PHLPP1: variants seen among roughly 807,000 people sequenced by gnomAD.
PHLPP1 encodes PH domain and leucine rich repeat protein phosphatase 1, also known as PH domain leucine-rich repeat-containing protein phosphatase 1.
PHLPP1 carries 42 observed loss-of-function variants against 117.2 expected under a neutral mutation model. That is an observed-to-expected ratio of 0.36 (90% CI 0.28 to 0.46). The LOEUF (loss-of-function observed/expected upper bound fraction) is 0.46. PHLPP1 is among the 20% of genes least tolerant of loss of function. PHLPP1 has a pLI of 1.00. For missense variants in PHLPP1, 2,084 were observed against 2,241.9 expected (o/e 0.93, Z 1.42); for synonymous variants, 1,042 against 970.7 (o/e 1.07, Z -1.37).
intron 4 of PHLPP1, among the ~76,000 whole-genome samples, chr18:62,861,045 T>A (rs541880996): frequency 6.6e-6 from 1 of 152,342 alleles, no homozygotes; most frequent in South Asian, 2.1e-4. Context: ...TCAACTTACA[T>A]CATGTCATCT....
chr18:62,933,536 T>C (rs1568166101), intron 10 of PHLPP1, among the ~76,000 whole-genome samples: 1 of 152,110 alleles, frequency 6.6e-6, no homozygotes, highest in Non-Finnish European at 1.5e-5. Context: ...ATTCAGTAAA[T>C]AGTGCTGGGA....
intron 9 of PHLPP1, among the ~76,000 whole-genome samples, chr18:62,915,714 C>A (rs1909248920): frequency 6.6e-6 from 1 of 152,186 alleles, no homozygotes; most frequent in Non-Finnish European, 1.5e-5. Flanking sequence ...CTATCCAGTG[C>A]TGTCCTGTAG....
rs11389810 is a variant in PHLPP1, at chr18:62,811,544, CT to C, written c.1577-18477del. On this transcript the variant is annotated intron_variant, in intron 1 of 16. Coordinates refer to ENST00000262719, the MANE Select transcript of PHLPP1 (RefSeq NM_194449.4). ...TAGGATTATGGTTATGTTGTTGTGT[CT>C]TTTTTTTTTTTTTAACTTCCTTTTC... 5.7e-3 allele frequency among the ~76,000 whole-genome samples: 793 copies of C among 138,014 alleles called. 2 individuals are homozygous for C. Among genetic ancestry groups the C allele is most frequent in the East Asian group, 0.014 (65 of 4,616 alleles). The allele number at this position is 138,014 out of a possible 152,430, so 90.5% of individuals were successfully genotyped here.
chr18:62,827,984 A>G lies in PHLPP1; in HGVS notation c.1577-2051A>G, dbSNP rs555733151. On this transcript the variant is annotated intron_variant, in intron 1 of 16. Transcript: ENST00000262719. ...CTTGAAGCCACTCTCTGATGGACTG[A>G]ATAAAATGCCTACTTCTTTGCATTT... Among the ~76,000 whole-genome samples, 5 of 151,152 alleles carry G rather than the reference A, an allele frequency of 3.3e-5. 1 individual carries two copies. In the South Asian group the frequency reaches 1.1e-3, roughly 32 times the overall value.
At chr18:62,778,370 G>T (rs1176873557) in intron 1 of PHLPP1, among the ~76,000 whole-genome samples, 1 of 152,066 alleles carries the variant, frequency 6.6e-6, no homozygotes, top group Non-Finnish European at 1.5e-5. Flanking sequence ...TACTTAGAGG[G>T]GCTAACTTAA....
intron 1 of PHLPP1, among the ~76,000 whole-genome samples, chr18:62,784,647 T>C (rs959803193): frequency 6.6e-6 from 1 of 152,254 alleles, no homozygotes; most frequent in Non-Finnish European, 1.5e-5. Flanking sequence ...TTTGCAGATA[T>C]ATAACCTGCT....
At chr18:62,777,066 G>C (rs1912981644) in intron 1 of PHLPP1, among the ~76,000 whole-genome samples, 1 of 152,166 alleles carries the variant, frequency 6.6e-6, no homozygotes, top group African/African-American at 2.4e-5. Context: ...CATTTTTGGG[G>C]GGTAAATATT....
chr18:62,775,014 A>G (rs571032724), intron 1 of PHLPP1, among the ~76,000 whole-genome samples: 3 of 152,282 alleles, frequency 2.0e-5, no homozygotes, highest in African/African-American at 7.2e-5. Flanking sequence ...ATTTCAGTCC[A>G]CCTTCCAACC....
At chr18:62,782,901 C>A (rs1284278112) in intron 1 of PHLPP1, among the ~76,000 whole-genome samples, 1 of 151,996 alleles carries the variant, frequency 6.6e-6, no homozygotes, top group Non-Finnish European at 1.5e-5. Flanking sequence ...TTCCAGTGGT[C>A]TGTTTTTTGA....
intron 1 of PHLPP1, among the ~76,000 whole-genome samples, chr18:62,828,276 G>A (rs546810432): frequency 1.3e-5 from 2 of 152,276 alleles, no homozygotes; most frequent in East Asian, 3.9e-4. Flanking sequence ...ATGAACTTGT[G>A]CAGAATGGGA....
At chr18:62,846,355 G>A (rs1443586147) in intron 3 of PHLPP1, among the ~76,000 whole-genome samples, 1 of 152,022 alleles carries the variant, frequency 6.6e-6, no homozygotes, top group African/African-American at 2.4e-5. Context: ...GTATGAGTTA[G>A]TATATGAGAT....
intron 10 of PHLPP1, among the ~76,000 whole-genome samples, chr18:62,932,899 A>C (rs1909858952): frequency 6.6e-6 from 1 of 152,244 alleles, no homozygotes; most frequent in African/African-American, 2.4e-5. Context: ...AGACTTGATA[A>C]ACAACTTCAG....
chr18:62,878,006 G>A (rs1916090671), intron 4 of PHLPP1, among the ~76,000 whole-genome samples: 1 of 152,172 alleles, frequency 6.6e-6, no homozygotes, highest in Non-Finnish European at 1.5e-5. Context: ...GAGAGAGGCT[G>A]GTATCTTCAA....
chr18:62,838,959 A>G (rs1275568321), intron 3 of PHLPP1, 50 bp downstream of exon 3: 2 of 1,603,802 alleles, frequency 1.2e-6, no homozygotes, highest in Admixed American at 3.3e-5. Context: ...GCTGGCTACA[A>G]AGTTCCTTTC....
chr18:62,923,661 T>A, intron 10 of PHLPP1, among the ~76,000 whole-genome samples: 1 of 152,092 alleles, frequency 6.6e-6, no homozygotes, highest in Non-Finnish European at 1.5e-5. Context: ...ACCTCAATAA[T>A]GGAAATTTTT....
At position 62,717,244 on chromosome 18, in the gene PHLPP1, A is replaced by T. The variant is rs1599010378; in HGVS notation, c.1561A>T (p.Ile521Phe). 2.5e-6 allele frequency: 4 copies of T among 1,592,604 alleles called. No individual in the cohort carries two copies. Among genetic ancestry groups the T allele is most frequent in the Non-Finnish European group, 3.4e-6 (4 of 1,167,098 alleles). ...EGMDSEIGCLIRFYAGKPHST... is the reference protein window; with the variant it reads ...EGMDSEIGCLFRFYAGKPHST... The stretch of plus-strand genomic sequence containing the variant: ...CATGGACTCGGAGATTGGCTGCCTC[A>T]TCCGCTTCTATGCAGGTAAGGAAGT... Residue 521 changes from isoleucine to phenylalanine, a missense_variant, in exon 1 of 17, where the codon ATC (isoleucine) becomes TTC (phenylalanine). Physicochemically the swap from Ile to Phe is conservative, Grantham distance 21. Around this residue, in one of 2 missense-constraint regions of PHLPP1, gnomAD observed 1,365 missense variants for 1,605.9 expected, o/e 0.85. Coordinates refer to ENST00000262719, the MANE Select transcript of PHLPP1 (RefSeq NM_194449.4).
intron 13 of PHLPP1, among the ~76,000 whole-genome samples, chr18:62,963,162 C>T (rs1018885076): frequency 1.3e-5 from 2 of 152,206 alleles, no homozygotes; most frequent in Non-Finnish European, 2.9e-5. Context: ...AACTAATTTT[C>T]GTGCTCTGTA....
intron 1 of PHLPP1, among the ~76,000 whole-genome samples, chr18:62,822,420 T>C (rs181045097): frequency 4.6e-5 from 7 of 151,926 alleles, no homozygotes; most frequent in African/African-American, 1.4e-4. Flanking sequence ...TAGCTGGGAC[T>C]GCAGACACCC....
chr18:62,851,753 C>T (rs1915356790), intron 3 of PHLPP1, among the ~76,000 whole-genome samples: 1 of 152,174 alleles, frequency 6.6e-6, no homozygotes, highest in Non-Finnish European at 1.5e-5. Flanking sequence ...GCCACTGTGC[C>T]CAGCCCATCT....
Sources: gnomAD v4.1 joint callset for allele counts (sites outside exome capture counted in the v4.1 genomes callset) on GRCh38, gnomAD v4.1.1 for gene constraint, gnomAD v4.1.1 regional missense constraint, MANE v1.5 for transcripts, NCBI Gene and HGNC (gene_info 2026-07-23, HGNC 2026-07-21) for gene names.